The following CDH5 variants were observed in gnomAD, a reference collection of about 807,000 sequenced individuals.
The protein encoded by CDH5 is cadherin-5.
CDH5 carries 28 observed loss-of-function variants against 62.0 expected under a neutral mutation model. That is an observed-to-expected ratio of 0.45 (90% CI 0.33 to 0.62). The LOEUF (loss-of-function observed/expected upper bound fraction) is 0.62. Among genes scored for constraint, CDH5 ranks in the 20% least tolerant of loss-of-function variants. The pLI, the probability that CDH5 is intolerant of heterozygous loss-of-function variation, is 0.02. For missense variants in CDH5, 940 were observed against 1,065.1 expected (o/e 0.88, Z 1.63); for synonymous variants, 464 against 445.8 (o/e 1.04, Z -0.52).
intron 11 of CDH5, among the ~76,000 whole-genome samples, chr16:66,401,500 A>AT (rs1236954329): frequency 6.6e-6 from 1 of 151,894 alleles, no homozygotes; most frequent in Non-Finnish European, 1.5e-5. Context: ...CTTGATACAT[A>AT]TTTTTTTTCT....
chr16:66,396,820 TC>T (rs1961193257), intron 8 of CDH5, among the ~76,000 whole-genome samples: 1 of 152,112 alleles, frequency 6.6e-6, no homozygotes, highest in Non-Finnish European at 1.5e-5. Flanking sequence ...CTATTAATAC[TC>T]CCACTTTACC....
chr16:66,403,463 A>G lies in CDH5; in HGVS notation c.*294A>G. On this transcript the variant is annotated 3_prime_UTR_variant, in exon 12 of 12. Transcript: ENST00000341529. The surrounding 1 kb of genome is among the most constrained non-coding windows in gnomAD (Gnocchi z 4.3). ...CCACAGACCGCCGTCTAACTCAAAG[A>G]CTTCCTCTGGCTCCCCAAGGCTGCA... 2.3e-6 allele frequency: 1 copy of G among 434,260 alleles called. No individual in the cohort carries two copies. 26.9% of individuals were successfully genotyped at this position (434,260 alleles called of 1,614,324 possible).
intron 1 of CDH5, among the ~76,000 whole-genome samples, chr16:66,368,923 T>C (rs191985137): frequency 1.4e-3 from 214 of 152,320 alleles, no homozygotes; most frequent in Non-Finnish European, 2.4e-3. Flanking sequence ...GAGCTTCACC[T>C]CTGGCTGAGG....
rs1484086995 is a variant in CDH5, at chr16:66,402,836, G to A, written c.2022G>A (p.Pro674=). 1 of 1,598,852 alleles carries A rather than the reference G, an allele frequency of 6.3e-7. No individual in the cohort carries two copies. Among genetic ancestry groups the A allele is most frequent in the East Asian group, 2.3e-5 (1 of 44,256 alleles). Residue 674 remains proline, a synonymous_variant, in exon 12 of 12, where the codon CCG becomes CCA. Transcript: ENST00000341529. ...NSVRRGGAKP[P]RPALDARPSL... is the part of the protein sequence containing the mutation. The stretch of plus-strand genomic sequence containing the variant: ...TGCGCCGCGGCGGGGCCAAGCCCCC[G>A]CGGCCCGCGCTGGACGCCCGGCCTT...
intron 1 of CDH5, among the ~76,000 whole-genome samples, chr16:66,374,919 G>A (rs368312200): frequency 5.4e-4 from 82 of 152,080 alleles, no homozygotes; most frequent in South Asian, 5.2e-3. Flanking sequence ...TTTACATTAG[G>A]TGTATCTCCT....
At position 66,392,377 on chromosome 16, in the gene CDH5, G is replaced by A. The variant is rs139466512; in HGVS notation, c.1211G>A (p.Ser404Asn). 3.8e-5 allele frequency: 61 copies of A among 1,614,156 alleles called. No homozygotes were observed. The highest frequency in any genetic ancestry group is 4.7e-5 in the Non-Finnish European group (56 of 1,180,034). Residue 404 changes from serine (S) to asparagine (N), a missense_variant, in exon 7 of 12, where the codon AGC becomes AAC. By Grantham distance (46) the Ser-to-Asn change is conservative (BLOSUM62 1). Transcript: ENST00000341529. The stretch of plus-strand genomic sequence containing the variant: ...ATGGACCCTGATGCGGCTAGGCATA[G>A]CATTGGGTAAGGGGGCGTGTGTCGA... ...LAMDPDAARH[S>N]IGYSIRRTSD...
At position 66,370,747 on chromosome 16, in the gene CDH5, G is replaced by A. The variant is rs746370896; in HGVS notation, c.-20+3989G>A. 3.3e-5 allele frequency among the ~76,000 whole-genome samples: 5 copies of A among 152,308 alleles called. No homozygotes were observed. In the South Asian group the frequency reaches 6.2e-4, roughly 19 times the overall value. On this transcript the variant is annotated intron_variant, in intron 1 of 11. Coordinates refer to ENST00000341529, the MANE Select transcript of CDH5 (RefSeq NM_001795.5). ...TGTGGGCCTTGAGAAGAAGTAAAGC[G>A]TTAACCCAGGAAACACAGCAAAGAA...
intron 2 of CDH5, among the ~76,000 whole-genome samples, chr16:66,380,882 G>A (rs1960886552): frequency 6.6e-6 from 1 of 151,876 alleles, no homozygotes; most frequent in Non-Finnish European, 1.5e-5. Context: ...TGGTGATAAT[G>A]GAGGTGATGA....
At chr16:66,385,681 G>A (rs1960971004) in intron 2 of CDH5, among the ~76,000 whole-genome samples, 2 of 152,162 alleles carry the variant, frequency 1.3e-5, no homozygotes, top group Non-Finnish European at 2.9e-5. Context: ...ATCCTCATGA[G>A]CACATCATTA....
rs150311666 is a variant in CDH5, at chr16:66,387,071, C to A, written c.473C>A (p.Ala158Glu). The A allele has an allele frequency of 1.9e-6, 3 of 1,613,344 alleles. No homozygotes were observed. Among genetic ancestry groups the A allele is most frequent in the Non-Finnish European group, 2.5e-6 (3 of 1,179,370 alleles). Residue 158 changes from alanine (A) to glutamate (E), a missense_variant, in exon 3 of 12, where the codon GCG (alanine) becomes GAG (glutamate). Ala to Glu is a moderately radical substitution (Grantham distance 107, BLOSUM62 -1). Transcript: ENST00000341529. ...WPVFTHRLFN[A>E]SVPESSAVGT... ...GTGTTCACGCATCGGTTGTTCAATG[C>A]GTCCGTGCCTGAGTCGTCGGCTGTG...
intron 2 of CDH5, among the ~76,000 whole-genome samples, chr16:66,385,137 T>G (rs1960961620): frequency 6.6e-6 from 1 of 152,290 alleles, no homozygotes; most frequent in South Asian, 2.1e-4. Context: ...AATTCTATTT[T>G]GGGGACATAC....
intron 6 of CDH5, among the ~76,000 whole-genome samples, chr16:66,391,758 A>G (rs971379908): frequency 1.3e-5 from 2 of 152,302 alleles, no homozygotes; most frequent in Middle Eastern, 3.4e-3. Flanking sequence ...GGGTACCAAG[A>G]GCAATATTCT....
intron 1 of CDH5, chr16:66,377,686 C>G (rs1250139838): frequency 6.6e-6 from 1 of 152,354 alleles, no homozygotes; most frequent in Non-Finnish European, 1.5e-5. Flanking sequence ...GGTTCCCTCT[C>G]CCACCCACCT....
chr16:66,396,447 G>A (rs1156475942), intron 8 of CDH5, among the ~76,000 whole-genome samples: 1 of 152,144 alleles, frequency 6.6e-6, no homozygotes. Flanking sequence ...TCTCATGCAT[G>A]TCACAGTTTG....
At position 66,403,170 on chromosome 16, in the gene CDH5, GC is replaced by G. The variant is rs904977153; in HGVS notation, c.*2del. 2 of 1,606,844 alleles carry G rather than the reference GC, an allele frequency of 1.2e-6. No homozygotes were observed. The highest frequency in any genetic ancestry group is 2.7e-5 in the African/African-American group (2 of 74,800). ...CCCCCGGGAGGAGCTGCTGTATTAG[GC>G]GGCCGAGGTCACTCTGGGCCTGGGG... On this transcript the variant is annotated 3_prime_UTR_variant, in exon 12 of 12. Transcript: ENST00000341529. This position sits in a 1 kb window ranked among gnomAD's most constrained non-coding sequence, Gnocchi z 4.3.
At chr16:66,401,795 GTATC>G (rs1236054844) in intron 11 of CDH5, among the ~76,000 whole-genome samples, 4 of 152,188 alleles carry the variant, frequency 2.6e-5, no homozygotes, top group African/African-American at 4.8e-5. Context: ...GTGATGTACT[GTATC>G]CTGCATTTCA....
chr16:66,382,593 A>G (rs1459494765), intron 2 of CDH5, among the ~76,000 whole-genome samples: 1 of 152,182 alleles, frequency 6.6e-6, no homozygotes, highest in Non-Finnish European at 1.5e-5. Flanking sequence ...AAGTCCGTAG[A>G]AAGTGGGGGC....
At position 66,389,341 on chromosome 16, in the gene CDH5, T is replaced by C; in HGVS notation, c.617-17T>C. 6.2e-7 allele frequency: 1 copy of C among 1,600,382 alleles called. No homozygotes were observed. The highest frequency in any genetic ancestry group is 2.3e-5 in the East Asian group (1 of 44,418). On this transcript the variant is annotated splice_polypyrimidine_tract_variant and intron_variant, in intron 4 of 11. Coordinates refer to ENST00000341529, the MANE Select transcript of CDH5 (RefSeq NM_001795.5). ...TAGAAGCTGGTAACATGGTTCCTGC[T>C]GGGAATCTTTTTGCAGGACGTATTA...
chr16:66,393,458 C>G (rs1465016181), intron 7 of CDH5, among the ~76,000 whole-genome samples: 1 of 152,162 alleles, frequency 6.6e-6, no homozygotes, highest in Non-Finnish European at 1.5e-5. Context: ...CTTACACGGC[C>G]AGAACAGGAG....
Sources: gnomAD v4.1 joint callset for allele counts (sites outside exome capture counted in the v4.1 genomes callset) on GRCh38, gnomAD v4.1.1 for gene constraint, Gnocchi (gnomAD v3.1) non-coding constraint, MANE v1.5 for transcripts, NCBI Gene and HGNC (gene_info 2026-07-23, HGNC 2026-07-21) for gene names.